The following FANCC variants were observed in gnomAD, a reference collection of about 807,000 sequenced individuals.
FANCC encodes Fanconi anemia group C protein.
In FANCC, 55 loss-of-function variants were observed where a neutral mutation model predicts 71.3. The ratio of observed to expected loss-of-function variants is 0.77; its 90% CI spans 0.62 to 0.97. The LOEUF (loss-of-function observed/expected upper bound fraction) is 0.97, where lower values mean the gene tolerates loss of function less well. Among genes scored for constraint, FANCC ranks in the 50% least tolerant of loss-of-function variants. FANCC has a pLI of 0.00. For synonymous variants in FANCC, 275 were observed against 244.9 expected (o/e 1.12, Z -1.15); for missense variants, 678 against 670.9 (o/e 1.01, Z -0.12).
At chr9:95,281,236 A>G (rs928588210) in intron 1 of FANCC, among the ~76,000 whole-genome samples, 5 of 152,130 alleles carry the variant, frequency 3.3e-5, no homozygotes, top group African/African-American at 1.2e-4. Flanking sequence ...ACACTACCCC[A>G]CAACATATTA....
chr9:95,275,474 C>T (rs1417349880), intron 1 of FANCC, among the ~76,000 whole-genome samples: 1 of 151,822 alleles, frequency 6.6e-6, no homozygotes, highest in African/African-American at 2.4e-5. Flanking sequence ...AGAGTAAACT[C>T]TAATGTTAAC....
At chr9:95,168,002 G>T (rs1314462259) in intron 6 of FANCC, among the ~76,000 whole-genome samples, 1 of 152,202 alleles carries the variant, frequency 6.6e-6, no homozygotes, top group Non-Finnish European at 1.5e-5. Context: ...TAGACATTCT[G>T]GAGGTCCCTC....
chr9:95,126,456 A>G (rs1023758485), intron 9 of FANCC, 73 bp downstream of exon 9: 25 of 1,410,050 alleles, frequency 1.8e-5, no homozygotes, highest in Admixed American at 5.1e-5. Context: ...GACTACCACA[A>G]CATTTTCTGA....
At chr9:95,311,606 G>A (rs188193783) in intron 1 of FANCC, among the ~76,000 whole-genome samples, 1 of 152,078 alleles carries the variant, frequency 6.6e-6, no homozygotes, top group Admixed American at 6.5e-5. Flanking sequence ...CAGGAGACTT[G>A]AACTCACAAT....
intron 4 of FANCC, among the ~76,000 whole-genome samples, chr9:95,184,165 ATTTT>A (rs990045464): frequency 6.6e-6 from 1 of 152,098 alleles, no homozygotes. Flanking sequence ...AATTAAATGA[ATTTT>A]ATTTATTTAC....
intron 4 of FANCC, among the ~76,000 whole-genome samples, chr9:95,196,913 C>T (rs1424178748): frequency 2.0e-5 from 3 of 152,212 alleles, no homozygotes; most frequent in African/African-American, 7.2e-5. Flanking sequence ...AGTCCTAAAC[C>T]ATAGGCTCAC....
intron 1 of FANCC, among the ~76,000 whole-genome samples, chr9:95,304,344 G>A (rs1588444164): frequency 6.6e-6 from 1 of 152,148 alleles, no homozygotes; most frequent in Admixed American, 6.5e-5. Flanking sequence ...TTTCAAACAG[G>A]AAAGGGAGGG....
intron 1 of FANCC, among the ~76,000 whole-genome samples, chr9:95,311,299 T>C (rs945935312): frequency 2.0e-5 from 3 of 150,324 alleles, no homozygotes; most frequent in African/African-American, 7.3e-5. Flanking sequence ...CACTTGAATG[T>C]ACAAGCATAA....
chr9:95,124,429 T>TCTTG (rs1825653334), intron 10 of FANCC, among the ~76,000 whole-genome samples: 1 of 152,192 alleles, frequency 6.6e-6, no homozygotes, highest in Non-Finnish European at 1.5e-5. Context: ...GGTCATTGAC[T>TCTTG]CTTGGCAGCT....
At chr9:95,173,307 C>T (rs914992433) in intron 4 of FANCC, among the ~76,000 whole-genome samples, 1 of 152,068 alleles carries the variant, frequency 6.6e-6, no homozygotes, top group African/African-American at 2.4e-5. Flanking sequence ...CAACACAGCC[C>T]GGAACCCATC....
intron 4 of FANCC, among the ~76,000 whole-genome samples, chr9:95,215,681 C>T (rs551304379): frequency 1.3e-5 from 2 of 152,254 alleles, no homozygotes; most frequent in Admixed American, 1.3e-4. Flanking sequence ...TCTCATGAAA[C>T]CCAGCCATTA....
chr9:95,121,554 T>C (rs530419843), intron 10 of FANCC, among the ~76,000 whole-genome samples: 1 of 152,182 alleles, frequency 6.6e-6, no homozygotes, highest in Non-Finnish European at 1.5e-5. Flanking sequence ...GCAACATTGT[T>C]TGTAATAAAA....
At chr9:95,226,747 A>G (rs1829644373) in intron 4 of FANCC, among the ~76,000 whole-genome samples, 1 of 151,976 alleles carries the variant, frequency 6.6e-6, no homozygotes, top group South Asian at 2.1e-4. Context: ...ATGTCCACCC[A>G]CTCCCCAGGA....
At chr9:95,249,588 T>C (rs1421274065) in intron 1 of FANCC, among the ~76,000 whole-genome samples, 2 of 152,214 alleles carry the variant, frequency 1.3e-5, no homozygotes, top group African/African-American at 2.4e-5. Context: ...GCTAGAAGTC[T>C]TTATACCTCC....
At chr9:95,126,489 T>C (rs371536901) in intron 9 of FANCC, 40 bp downstream of exon 9, 129 of 1,591,026 alleles carry the variant, frequency 8.1e-5, no homozygotes, top group Non-Finnish European at 1.0e-4. Flanking sequence ...AATGGAACCT[T>C]TTTTACATCA....
chr9:95,210,174 T>C (rs1023611865), intron 4 of FANCC, among the ~76,000 whole-genome samples: 11 of 152,166 alleles, frequency 7.2e-5, no homozygotes, highest in African/African-American at 2.6e-4. Flanking sequence ...AATCAATACA[T>C]AGCAAAACTA....
chr9:95,125,050 C>G (rs1365802595), intron 10 of FANCC, 36 bp downstream of exon 10: 1 of 1,547,094 alleles, frequency 6.5e-7, no homozygotes, highest in African/African-American at 1.4e-5. Flanking sequence ...GTCTTATTCT[C>G]TGGGATGAAT....
At chr9:95,104,205 C>T (rs566519327) in intron 14 of FANCC, among the ~76,000 whole-genome samples, 1 of 152,280 alleles carries the variant, frequency 6.6e-6, no homozygotes, top group South Asian at 2.1e-4. Context: ...ACGCGGCCAC[C>T]GCAGCGAAGG....
At chr9:95,163,576 G>A (rs1269103146) in intron 6 of FANCC, among the ~76,000 whole-genome samples, 1 of 152,198 alleles carries the variant, frequency 6.6e-6, no homozygotes, top group East Asian at 1.9e-4. Flanking sequence ...TAGGCTGGGT[G>A]CAGTGGCTTA....
Sources: gnomAD v4.1 joint callset for allele counts (sites outside exome capture counted in the v4.1 genomes callset) on GRCh38, gnomAD v4.1.1 for gene constraint, MANE v1.5 for transcripts, NCBI Gene and HGNC (gene_info 2026-07-23, HGNC 2026-07-21) for gene names.